ERC2: variants seen among roughly 807,000 people sequenced by gnomAD.
ERC2 encodes the protein ERC protein 2.
ERC2 carries 42 observed loss-of-function variants against 114.8 expected under a neutral mutation model. The ratio of observed to expected loss-of-function variants is 0.37; its 90% CI spans 0.29 to 0.47. ERC2 has a LOEUF of 0.47. Among genes scored for constraint, ERC2 ranks in the 20% least tolerant of loss-of-function variants. ERC2 has a pLI of 0.99. For synonymous variants in ERC2, 454 were observed against 425.5 expected (o/e 1.07, Z -0.82); for missense variants, 939 against 1,150.7 (o/e 0.82, Z 2.66).
intron 3 of ERC2, among the ~76,000 whole-genome samples, chr3:56,257,610 CTT>C (rs2052607540): frequency 6.6e-6 from 1 of 152,232 alleles, no homozygotes. Flanking sequence ...TGTGTTGATG[CTT>C]TCACAATTAG....
intron 3 of ERC2, among the ~76,000 whole-genome samples, chr3:56,235,020 T>G (rs762610601): frequency 6.6e-6 from 1 of 152,290 alleles, no homozygotes; most frequent in South Asian, 2.1e-4. Flanking sequence ...AGCAACAGCA[T>G]TTTTCCCTAT....
At chr3:56,419,105 T>C (rs776894855) in intron 2 of ERC2, among the ~76,000 whole-genome samples, 10 of 152,176 alleles carry the variant, frequency 6.6e-5, no homozygotes, top group African/African-American at 2.4e-4. Flanking sequence ...TTTCACAAGA[T>C]GGTAATGGGA....
chr3:56,466,397 T>G (rs2063546094), intron 1 of ERC2, among the ~76,000 whole-genome samples: 3 of 152,180 alleles, frequency 2.0e-5, no homozygotes, highest in Non-Finnish European at 4.4e-5. Context: ...TCACTAGTAG[T>G]GAGTTGAGAT....
intron 6 of ERC2, among the ~76,000 whole-genome samples, chr3:56,117,605 G>C (rs1191857896): frequency 6.6e-6 from 1 of 152,202 alleles, no homozygotes; most frequent in Admixed American, 6.5e-5. Context: ...TCCCTCAAGG[G>C]GGTGTTGTGA....
chr3:55,681,122 C>G (rs1266905993), intron 17 of ERC2, among the ~76,000 whole-genome samples: 1 of 152,074 alleles, frequency 6.6e-6, no homozygotes. Flanking sequence ...TAAACTTTCC[C>G]CGGTCCACCG....
intron 17 of ERC2, among the ~76,000 whole-genome samples, chr3:55,608,458 C>A (rs2058739292): frequency 1.3e-5 from 2 of 152,176 alleles, no homozygotes; most frequent in South Asian, 4.1e-4. Context: ...TGAGTTCCCA[C>A]TGCTCATTAA....
chr3:56,152,430 C>T (rs1005559551), intron 4 of ERC2, among the ~76,000 whole-genome samples: 1 of 151,110 alleles, frequency 6.6e-6, no homozygotes, highest in Non-Finnish European at 1.5e-5. Context: ...GGGGGGGGCG[C>T]TAAATATCTA....
At chr3:55,898,634 A>G (rs2063958303) in intron 13 of ERC2, among the ~76,000 whole-genome samples, 1 of 152,198 alleles carries the variant, frequency 6.6e-6, no homozygotes, top group South Asian at 2.1e-4. Context: ...CGAGATTGTC[A>G]TCAACAGTGG....
chr3:56,346,399 TA>T (rs1341950898), intron 2 of ERC2, among the ~76,000 whole-genome samples: 3 of 152,172 alleles, frequency 2.0e-5, no homozygotes, highest in Non-Finnish European at 4.4e-5. Context: ...CAAAATGGAT[TA>T]AAAACTTAAA....
At chr3:56,207,188 A>C (rs190381191) in intron 3 of ERC2, among the ~76,000 whole-genome samples, 15 of 152,278 alleles carry the variant, frequency 9.9e-5, no homozygotes, top group Admixed American at 3.9e-4. Flanking sequence ...TGCTGTGGGC[A>C]TCTTTATGAT....
At chr3:55,672,460 G>A (rs563026465) in intron 17 of ERC2, among the ~76,000 whole-genome samples, 22 of 152,102 alleles carry the variant, frequency 1.4e-4, no homozygotes, top group Non-Finnish European at 2.6e-4. Context: ...TGAAGTTCAC[G>A]TACTAGTTCC....
At chr3:55,715,163 T>C (rs1389803849) in intron 15 of ERC2, among the ~76,000 whole-genome samples, 1 of 152,192 alleles carries the variant, frequency 6.6e-6, no homozygotes, top group Non-Finnish European at 1.5e-5. Context: ...ATGACAGGCA[T>C]GGTTGTGTCT....
rs368696630 is a variant in ERC2, at chr3:56,396,347, G to C, written c.657+38004C>G. 2.0e-5 allele frequency among the ~76,000 whole-genome samples: 3 copies of C among 152,150 alleles called. No homozygotes were observed. In the East Asian group the frequency reaches 5.8e-4, roughly 29 times the overall value. ...CTGATGGTTGTTAAAATAATGAATG[G>C]AGCCAGGCATGGTGGAGTGGCTTGG... On this transcript the variant is annotated intron_variant, in intron 2 of 17. Transcript: ENST00000288221.
chr3:55,912,824 T>C lies in ERC2; in HGVS notation c.2404-24275A>G, dbSNP rs1172603547. The stretch of plus-strand genomic sequence containing the variant: ...TTAATATTAAACATACAGGAAAGTA[T>C]GAGAGAGAGAAAGAAAAGCAAAACA... On this transcript the variant is annotated intron_variant, in intron 13 of 17. Coordinates refer to ENST00000288221, the MANE Select transcript of ERC2 (RefSeq NM_015576.3). Among the ~76,000 whole-genome samples the C allele has an allele frequency of 2.0e-5, 3 of 152,158 alleles. 1 individual carries two copies. The East Asian group carries it at 5.8e-4, about 29-fold the overall frequency.
At chr3:55,961,585 A>G (rs569233200) in intron 12 of ERC2, among the ~76,000 whole-genome samples, 3 of 152,242 alleles carry the variant, frequency 2.0e-5, no homozygotes, top group Non-Finnish European at 4.4e-5. Flanking sequence ...TGCCTAGTCC[A>G]TTGCCACCAA....
At chr3:55,851,149 C>A (rs909966356) in intron 14 of ERC2, among the ~76,000 whole-genome samples, 1 of 140,656 alleles carries the variant, frequency 7.1e-6, no homozygotes, top group Non-Finnish European at 1.6e-5. Context: ...AGAAAACTTA[C>A]TTCCATCTCT....
In ERC2 at chr3:56,086,204, T is replaced by C. The variant is rs139388687; in HGVS notation, c.1474-5220A>G. On this transcript the variant is annotated intron_variant, in intron 6 of 17. Transcript: ENST00000288221. ...CGCCATGTGTGATCTATCAGTGCCC[T>C]GTCGCATCTTCCCAAGCCCAGAAGA... is the stretch of plus-strand genomic sequence containing the variant. 2.6e-5 allele frequency among the ~76,000 whole-genome samples: 4 copies of C among 152,270 alleles called. No homozygotes were observed. The East Asian group carries it at 7.7e-4, about 29-fold the overall frequency.
chr3:55,559,321 C>T (rs2055843356), intron 17 of ERC2, among the ~76,000 whole-genome samples: 1 of 152,188 alleles, frequency 6.6e-6, no homozygotes, highest in Admixed American at 6.5e-5. Context: ...GAAGAAAGCA[C>T]CCAAAGTGGT....
rs566063173 is a variant in ERC2 at position 55,971,560 on chromosome 3, C to A, written c.2267+14417G>T. Among the ~76,000 whole-genome samples, 10 of 152,180 alleles carry A rather than the reference C, an allele frequency of 6.6e-5. No homozygotes were observed. In the South Asian group the frequency reaches 2.1e-3, roughly 32 times the overall value. The stretch of plus-strand genomic sequence containing the variant: ...ACAGTGGACAATACTATACATTTTA[C>A]AGTATGTCTTGGACATCTTTCCATG... On this transcript the variant is annotated intron_variant, in intron 12 of 17. Coordinates refer to ENST00000288221, the MANE Select transcript of ERC2 (RefSeq NM_015576.3).
Sources: gnomAD v4.1 joint callset for allele counts (sites outside exome capture counted in the v4.1 genomes callset) on GRCh38, gnomAD v4.1.1 for gene constraint, MANE v1.5 for transcripts, NCBI Gene and HGNC (gene_info 2026-07-23, HGNC 2026-07-21) for gene names.